PPM1E: variants seen among roughly 807,000 people sequenced by gnomAD.
The protein encoded by PPM1E is protein phosphatase, Mg2+/Mn2+ dependent 1E, also known as protein phosphatase 1E.
In PPM1E, 20 loss-of-function variants were observed where a neutral mutation model predicts 65.9. The observed-to-expected ratio is 0.30, with a 90% CI of 0.21 to 0.44. The LOEUF is 0.44. Ranked by LOEUF, PPM1E falls within the 20% of genes least tolerant of loss-of-function variation. The pLI, the probability that PPM1E is intolerant of heterozygous loss-of-function variation, is 1.00. For synonymous variants in PPM1E, 352 were observed against 374.9 expected, an observed-to-expected ratio of 0.94 and a Z score of 0.70; for missense variants, 713 against 953.1, an observed-to-expected ratio of 0.75 and a Z score of 3.32.
intron 1 of PPM1E, among the ~76,000 whole-genome samples, chr17:58,781,363 A>G (rs192016861): frequency 1.0e-3 from 151 of 151,500 alleles, no homozygotes; most frequent in Middle Eastern, 6.8e-3. Context: ...CTGGTCTCCA[A>G]CTCCTGACCT....
chr17:58,947,417 G>T (rs999940659), intron 1 of PPM1E, among the ~76,000 whole-genome samples: 1 of 150,956 alleles, frequency 6.6e-6, no homozygotes, highest in African/African-American at 2.4e-5. Context: ...TTGTATTTTT[G>T]GTAGAGACAG....
intron 1 of PPM1E, among the ~76,000 whole-genome samples, chr17:58,894,039 C>T (rs1472036791): frequency 6.6e-6 from 1 of 152,090 alleles, no homozygotes. Context: ...CACCACTGCA[C>T]TCCAACTTGG....
chr17:58,861,638 G>T (rs1818463464), intron 1 of PPM1E, among the ~76,000 whole-genome samples: 1 of 152,216 alleles, frequency 6.6e-6, no homozygotes, highest in South Asian at 2.1e-4. Flanking sequence ...AAAAGATGCT[G>T]TTTCTGGCTG....
At position 58,798,440 on chromosome 17, in the gene PPM1E, G is replaced by A. The variant is rs1445970798; in HGVS notation, c.464+41979G>A. On this transcript the variant is annotated intron_variant, in intron 1 of 6. Transcript: ENST00000308249. ...GGGTTTCACCATGTTGGTCAGACTGGTCTCGAACTTCTGACCTTGTGATCC... is the reference window on the plus strand; with the variant it reads ...GGGTTTCACCATGTTGGTCAGACTGATCTCGAACTTCTGACCTTGTGATCC... 2.7e-5 allele frequency among the ~76,000 whole-genome samples: 4 copies of A among 150,536 alleles called. No homozygotes were observed. In the East Asian group the frequency reaches 7.7e-4, roughly 29 times the overall value.
intron 1 of PPM1E, among the ~76,000 whole-genome samples, chr17:58,920,072 A>G (rs2051733619): frequency 6.6e-6 from 1 of 152,192 alleles, no homozygotes; most frequent in Admixed American, 6.5e-5. Context: ...GGATTTTGAA[A>G]ATAGAACCAA....
chr17:58,826,871 C>A (rs1008983594), intron 1 of PPM1E, among the ~76,000 whole-genome samples: 1 of 151,932 alleles, frequency 6.6e-6, no homozygotes, highest in East Asian at 1.9e-4. Context: ...CCTTGTGATC[C>A]GCCCTCCTCA....
chr17:58,799,851 A>G (rs573827984), intron 1 of PPM1E, among the ~76,000 whole-genome samples: 1 of 152,316 alleles, frequency 6.6e-6, no homozygotes, highest in Non-Finnish European at 1.5e-5. Flanking sequence ...AAGTGCTGGG[A>G]TTACAGGTGT....
chr17:58,944,561 A>T (rs1223449510), intron 1 of PPM1E, among the ~76,000 whole-genome samples: 2 of 149,482 alleles, frequency 1.3e-5, no homozygotes, highest in African/African-American at 2.6e-5. Flanking sequence ...GGCTTTTCAT[A>T]TAATTATTAT....
intron 1 of PPM1E, among the ~76,000 whole-genome samples, chr17:58,839,081 C>T (rs545897441): frequency 9.9e-5 from 15 of 152,124 alleles, no homozygotes; most frequent in African/African-American, 2.6e-4. Flanking sequence ...CTATTCTGTA[C>T]GCACTGTAAT....
intron 3 of PPM1E, 133 bp downstream of exon 3, chr17:58,966,026 A>G: frequency 2.2e-6 from 2 of 899,944 alleles, no homozygotes; most frequent in Non-Finnish European, 3.3e-6. Context: ...GCTAAGTGCA[A>G]AGTGGCACAA....
intron 1 of PPM1E, among the ~76,000 whole-genome samples, chr17:58,905,718 CAT>C (rs981527651): frequency 2.0e-5 from 3 of 151,958 alleles, no homozygotes; most frequent in African/African-American, 7.3e-5. Flanking sequence ...ATGGTAGTCT[CAT>C]AGAATGAGTT....
chr17:58,843,006 C>T (rs114619768), intron 1 of PPM1E, among the ~76,000 whole-genome samples: 2,969 of 151,032 alleles, frequency 0.02, 33 homozygotes, highest in Middle Eastern at 0.069. Flanking sequence ...TAGAACAGGC[C>T]GGGCGCTGGG....
chr17:58,787,061 G>A (rs9904879), intron 1 of PPM1E, among the ~76,000 whole-genome samples: 96,827 of 152,076 alleles, frequency 0.64, 31,206 homozygotes, highest in African/African-American at 0.71. Context: ...AGCAGCTGAT[G>A]CGGACCTCTG....
chr17:58,891,153 A>G (rs1187084812), intron 1 of PPM1E, among the ~76,000 whole-genome samples: 1 of 151,956 alleles, frequency 6.6e-6, no homozygotes, highest in African/African-American at 2.4e-5. Context: ...TTTAGTAAAG[A>G]TGGGGTTTCT....
intron 1 of PPM1E, among the ~76,000 whole-genome samples, chr17:58,937,066 G>A (rs1365272875): frequency 6.6e-6 from 1 of 151,784 alleles, no homozygotes; most frequent in Non-Finnish European, 1.5e-5. Context: ...GGAGGCCGAG[G>A]TGGGCGGATC....
chr17:58,947,382 G>A (rs771013628), intron 1 of PPM1E, among the ~76,000 whole-genome samples: 2 of 151,334 alleles, frequency 1.3e-5, no homozygotes, highest in East Asian at 2.0e-4. Flanking sequence ...GATTATAGGC[G>A]TGCACCACCA....
chr17:58,958,648 C>G (rs762143859), intron 2 of PPM1E, among the ~76,000 whole-genome samples: 31 of 151,656 alleles, frequency 2.0e-4, no homozygotes, highest in Non-Finnish European at 4.1e-4. Flanking sequence ...CAAAGTTTAC[C>G]TAAGAAGAAA....
chr17:58,870,944 C>T (rs1424802902), intron 1 of PPM1E, among the ~76,000 whole-genome samples: 3 of 152,182 alleles, frequency 2.0e-5, no homozygotes, highest in Non-Finnish European at 2.9e-5. Flanking sequence ...AGGTGTCACC[C>T]TTGTGTTGGT....
At chr17:58,970,603 C>T (rs2030543668) in intron 4 of PPM1E, among the ~76,000 whole-genome samples, 1 of 152,044 alleles carries the variant, frequency 6.6e-6, no homozygotes, top group Non-Finnish European at 1.5e-5. Context: ...AATAATGGGG[C>T]TTAGAATTAA....
Sources: allele counts gnomAD v4.1 joint callset (sites outside exome capture counted in the v4.1 genomes callset), GRCh38; gene constraint gnomAD v4.1.1; transcripts MANE v1.5; gene names NCBI Gene and HGNC (gene_info 2026-07-23, HGNC 2026-07-21).